GAB1: variants seen among roughly 807,000 people sequenced by gnomAD.
GAB1 encodes GRB2 associated binding protein 1, also known as GRB2-associated-binding protein 1.
Under a neutral mutation model 66.5 loss-of-function variants are expected in GAB1, and 19 were observed. The ratio of observed to expected loss-of-function variants is 0.29; its 90% CI spans 0.20 to 0.42. The LOEUF (loss-of-function observed/expected upper bound fraction) is 0.42, where lower values mean the gene tolerates loss of function less well. GAB1 is among the 10% of genes least tolerant of loss of function. The pLI, the probability that GAB1 is intolerant of heterozygous loss-of-function variation, is 1.00. For synonymous variants in GAB1, 294 were observed against 301.4 expected, an observed-to-expected ratio of 0.98 and a Z score of 0.25; for missense variants, 732 against 858.5, an observed-to-expected ratio of 0.85 and a Z score of 1.84.
intron 1 of GAB1, among the ~76,000 whole-genome samples, chr4:143,372,085 G>A (rs1730146757): frequency 6.6e-6 from 1 of 151,984 alleles, no homozygotes; most frequent in East Asian, 1.9e-4. Flanking sequence ...GGCACTTTTG[G>A]AGCCCCAGGT....
chr4:143,365,914 C>T (rs967211065), intron 1 of GAB1, among the ~76,000 whole-genome samples: 4 of 152,116 alleles, frequency 2.6e-5, no homozygotes, highest in African/African-American at 7.2e-5. Context: ...GAACAATAAG[C>T]CATTTTTTTG....
intron 4 of GAB1, 138 bp from the exon 5 acceptor site, chr4:143,439,664 G>T (rs546710486): frequency 3.2e-6 from 2 of 634,748 alleles, no homozygotes; most frequent in Admixed American, 2.6e-5. Context: ...ACAGTTCTAT[G>T]AGCATCCTTT....
chr4:143,344,581 T>A (rs149472759), intron 1 of GAB1, among the ~76,000 whole-genome samples: 163 of 152,344 alleles, frequency 1.1e-3, no homozygotes, highest in African/African-American at 3.7e-3. Flanking sequence ...TGGCCCATTG[T>A]ACTGTGGATT....
intron 3 of GAB1, 78 bp downstream of exon 3, chr4:143,433,794 CTT>C: frequency 8.3e-7 from 1 of 1,201,828 alleles, no homozygotes; most frequent in Non-Finnish European, 1.2e-6. Flanking sequence ...TACCTTTAAA[CTT>C]TTTAAATTTC....
intron 1 of GAB1, among the ~76,000 whole-genome samples, chr4:143,376,054 T>C (rs1448555056): frequency 6.6e-6 from 1 of 152,080 alleles, no homozygotes; most frequent in African/African-American, 2.4e-5. Flanking sequence ...TTAGAAATCA[T>C]CTGGAATGTT....
intron 3 of GAB1, among the ~76,000 whole-genome samples, chr4:143,437,395 T>C (rs1394315595): frequency 6.6e-6 from 1 of 152,234 alleles, no homozygotes; most frequent in Non-Finnish European, 1.5e-5. Context: ...TAACTCTGTA[T>C]CACGTATTTC....
At chr4:143,390,328 G>A (rs759198519) in intron 1 of GAB1, among the ~76,000 whole-genome samples, 14 of 151,630 alleles carry the variant, frequency 9.2e-5, no homozygotes, top group Non-Finnish European at 1.8e-4. Context: ...AGCTCATAAT[G>A]TTTCTGCTCT....
At chr4:143,436,877 T>C (rs1361425963) in intron 3 of GAB1, among the ~76,000 whole-genome samples, 1 of 152,108 alleles carries the variant, frequency 6.6e-6, no homozygotes, top group Non-Finnish European at 1.5e-5. Context: ...AATGAAGTTC[T>C]GAAAAAGGAG....
At chr4:143,399,468 T>C (rs1300974137) in intron 1 of GAB1, among the ~76,000 whole-genome samples, 1 of 152,258 alleles carries the variant, frequency 6.6e-6, no homozygotes, top group African/African-American at 2.4e-5. Context: ...CTTTGTGTTT[T>C]ATATTGTTGT....
intron 2 of GAB1, among the ~76,000 whole-genome samples, chr4:143,432,574 C>G (rs1246386616): frequency 6.6e-6 from 1 of 150,674 alleles, no homozygotes; most frequent in Non-Finnish European, 1.5e-5. Context: ...CAGTTTCAAC[C>G]CAGCTTTTTC....
chr4:143,450,373 T>C (rs1422190356), intron 6 of GAB1, among the ~76,000 whole-genome samples: 3 of 152,186 alleles, frequency 2.0e-5, no homozygotes, highest in Non-Finnish European at 4.4e-5. Flanking sequence ...GTAAAAAATT[T>C]AGGCTTAAAA....
intron 1 of GAB1, among the ~76,000 whole-genome samples, chr4:143,388,291 A>G (rs1382094125): frequency 1.3e-5 from 2 of 152,134 alleles, no homozygotes; most frequent in Non-Finnish European, 2.9e-5. Flanking sequence ...GTAGGTGCCT[A>G]GTGGCTATTT....
chr4:143,386,373 G>A (rs1337882710), intron 1 of GAB1, among the ~76,000 whole-genome samples: 1 of 152,058 alleles, frequency 6.6e-6, no homozygotes, highest in East Asian at 1.9e-4. Context: ...TAGCCTGAAG[G>A]CAATTTTATA....
intron 1 of GAB1, among the ~76,000 whole-genome samples, chr4:143,409,704 G>A (rs1732265318): frequency 6.6e-6 from 1 of 151,910 alleles, no homozygotes; most frequent in Non-Finnish European, 1.5e-5. Flanking sequence ...GGGGAAGGTT[G>A]GGAAAAAAGA....
Position 143,472,133 on chromosome 4 carries a change from A to G in GAB1, c.*2944A>G, listed in dbSNP as rs1307308506. ...CAAACTTGAAAAAGCTGTTTAACCCATGGAAGATATCATTTAGTAAGATGT... is the reference window on the plus strand; with the variant it reads ...CAAACTTGAAAAAGCTGTTTAACCCGTGGAAGATATCATTTAGTAAGATGT... On this transcript the variant is annotated 3_prime_UTR_variant, in exon 10 of 10. Transcript: ENST00000262994. 1.3e-5 allele frequency: 2 copies of G among 152,208 alleles called. No individual in the cohort carries two copies. The highest frequency in any genetic ancestry group is 4.8e-5 in the African/African-American group (2 of 41,460). The allele number at this position is 152,208 out of a possible 1,614,324, so 9.4% of individuals were successfully genotyped here. A position where few individuals can be genotyped will look rare whatever the true frequency, so the allele number is the denominator to read the frequency against.
At chr4:143,457,554 T>G in intron 6 of GAB1, 1 of 511,450 alleles carries the variant, frequency 2.0e-6, no homozygotes, top group Non-Finnish European at 3.3e-6. Flanking sequence ...AAACTTTTGT[T>G]CATGCTTTTA....
chr4:143,449,922 C>T (rs1373394591), intron 6 of GAB1, among the ~76,000 whole-genome samples: 1 of 151,552 alleles, frequency 6.6e-6, no homozygotes, highest in Non-Finnish European at 1.5e-5. Flanking sequence ...CCACTTTGCA[C>T]CTTAGGAGTA....
chr4:143,396,673 A>G (rs1174353145), intron 1 of GAB1, among the ~76,000 whole-genome samples: 1 of 152,244 alleles, frequency 6.6e-6, no homozygotes, highest in Non-Finnish European at 1.5e-5. Flanking sequence ...TGTCCTGATA[A>G]GAGACTGGAT....
chr4:143,394,353 A>G (rs1052409142), intron 1 of GAB1, among the ~76,000 whole-genome samples: 1 of 152,194 alleles, frequency 6.6e-6, no homozygotes, highest in Non-Finnish European at 1.5e-5. Context: ...AGGTTTTTCA[A>G]GGAAGTCCAG....
Sources: gnomAD v4.1 joint callset for allele counts (sites outside exome capture counted in the v4.1 genomes callset) on GRCh38, gnomAD v4.1.1 for gene constraint, MANE v1.5 for transcripts, NCBI Gene and HGNC (gene_info 2026-07-23, HGNC 2026-07-21) for gene names.